The following BCAS3 variants were observed in gnomAD, a reference collection of about 807,000 sequenced individuals.
The protein encoded by BCAS3 is BCAS3 microtubule associated cell migration factor.
A neutral mutation model predicts 116.1 loss-of-function variants in BCAS3; 53 were observed. The ratio of observed to expected loss-of-function variants is 0.46; its 90% CI spans 0.37 to 0.57. The LOEUF (loss-of-function observed/expected upper bound fraction) is 0.57, where lower values mean the gene tolerates loss of function less well. Among genes scored for constraint, BCAS3 ranks in the 20% least tolerant of loss-of-function variants. BCAS3 has a pLI of 0.00. For synonymous variants in BCAS3, 391 were observed against 408.2 expected, an observed-to-expected ratio of 0.96 and a Z score of 0.51; for missense variants, 917 against 1,165.4, an observed-to-expected ratio of 0.79 and a Z score of 3.10.
chr17:60,929,124 G>A (rs904443950), intron 13 of BCAS3, among the ~76,000 whole-genome samples: 2 of 152,110 alleles, frequency 1.3e-5, no homozygotes, highest in Admixed American at 6.6e-5. Flanking sequence ...TAAGAAATGC[G>A]ACATTATAAA....
chr17:61,080,172 G>A (rs1418170896), intron 21 of BCAS3, among the ~76,000 whole-genome samples: 1 of 151,720 alleles, frequency 6.6e-6, no homozygotes, highest in Non-Finnish European at 1.5e-5. Context: ...CCCAAAGTGT[G>A]GGGACTACAG....
In BCAS3 at chr17:60,826,441, C is replaced by G. The variant is rs79532050; in HGVS notation, c.476+18365C>G. 7.3e-3 allele frequency among the ~76,000 whole-genome samples: 1,116 copies of G among 152,160 alleles called. 41 individuals carry two copies. Among genetic ancestry groups the G allele is most frequent in the Admixed American group, 0.051 (772 of 15,280 alleles). On this transcript the variant is annotated intron_variant, in intron 7 of 23. Coordinates refer to ENST00000407086, the MANE Select transcript of BCAS3 (RefSeq NM_017679.5). ...TCTCTCGTGTCGGCCTCTCAAAGTG[C>G]TGGGATTACAGGCGTGAGCCACCAC...
At chr17:60,943,603 A>G (rs1423122610) in intron 13 of BCAS3, among the ~76,000 whole-genome samples, 1 of 152,118 alleles carries the variant, frequency 6.6e-6, no homozygotes, top group Non-Finnish European at 1.5e-5. Flanking sequence ...CATGTCCACA[A>G]TTATCCTTGG....
At chr17:61,384,026 G>A (rs1026304885) in intron 23 of BCAS3, 6 of 152,318 alleles carry the variant, frequency 3.9e-5, no homozygotes, top group African/African-American at 1.4e-4. Flanking sequence ...TGCCAAGGAC[G>A]AGTCTCCAAG....
In BCAS3 at chr17:61,087,349, C is replaced by G; in HGVS notation, c.2425+2785C>G. On this transcript the variant is annotated intron_variant, in intron 22 of 23. Coordinates refer to ENST00000407086, the MANE Select transcript of BCAS3 (RefSeq NM_017679.5). The surrounding 1 kb of genome is among the most constrained non-coding windows in gnomAD (Gnocchi z 4.6). ...ATTATTCCTATGGCACATGTTACAC[C>G]TAACCCTCTATTTTAGTGACAGCTC... The G allele has an allele frequency of 2.8e-6, 1 of 356,174 alleles. No homozygotes were observed. Among genetic ancestry groups the G allele is most frequent in the Non-Finnish European group, 3.9e-6 (1 of 254,760 alleles). 22.1% of individuals were successfully genotyped at this position (356,174 alleles called of 1,614,324 possible). A position where few individuals can be genotyped will look rare whatever the true frequency, so the allele number is the denominator to read the frequency against.
At chr17:61,202,840 T>C (rs996290433) in intron 22 of BCAS3, among the ~76,000 whole-genome samples, 3 of 152,192 alleles carry the variant, frequency 2.0e-5, no homozygotes, top group Admixed American at 6.5e-5. Flanking sequence ...ATCGTAGAAA[T>C]AAATAGCCTA....
Position 61,349,305 on chromosome 17 carries a change from A to T in BCAS3, c.2426-19022A>T, listed in dbSNP as rs931190498. Among the ~76,000 whole-genome samples the T allele has an allele frequency of 2.6e-5, 4 of 152,114 alleles. No individual in the cohort carries two copies. Among genetic ancestry groups the T allele is most frequent in the African/African-American group, 9.7e-5 (4 of 41,404 alleles). ...CCCCACTCTCCCACCCTACACCCTA[A>T]TACCCTCCAACCTAAAGTTCTTGAG... On this transcript the variant is annotated intron_variant, in intron 22 of 23. Coordinates refer to ENST00000407086, the MANE Select transcript of BCAS3 (RefSeq NM_017679.5). This position sits in a 1 kb window ranked among gnomAD's most constrained non-coding sequence, Gnocchi z 4.7.
At chr17:61,318,377 G>A (rs2054918987) in intron 22 of BCAS3, among the ~76,000 whole-genome samples, 1 of 152,202 alleles carries the variant, frequency 6.6e-6, no homozygotes, top group Non-Finnish European at 1.5e-5. Flanking sequence ...ACTCCTTGGT[G>A]GCGATGGAGC....
At chr17:61,167,322 C>T (rs570566302) in intron 22 of BCAS3, among the ~76,000 whole-genome samples, 1 of 152,168 alleles carries the variant, frequency 6.6e-6, no homozygotes, top group Non-Finnish European at 1.5e-5. Flanking sequence ...CTTATCTAGT[C>T]CCACTTCCTT....
At chr17:61,064,298 G>A (rs570940423) in intron 19 of BCAS3, among the ~76,000 whole-genome samples, 19 of 151,834 alleles carry the variant, frequency 1.3e-4, no homozygotes, top group Middle Eastern at 3.4e-3. Flanking sequence ...TCAGCATAGC[G>A]ATACCTATCT....
At chr17:61,329,975 G>A (rs774179252) in intron 22 of BCAS3, among the ~76,000 whole-genome samples, 7 of 152,164 alleles carry the variant, frequency 4.6e-5, no homozygotes, top group Non-Finnish European at 7.4e-5. Context: ...ATATAAAAAT[G>A]AAGAAGACAC....
intron 4 of BCAS3, among the ~76,000 whole-genome samples, chr17:60,696,102 G>T (rs146880009): frequency 6.6e-6 from 1 of 152,246 alleles, no homozygotes; most frequent in Non-Finnish European, 1.5e-5. Flanking sequence ...AATCAAAGAG[G>T]AAAAAGTATT....
intron 14 of BCAS3, among the ~76,000 whole-genome samples, chr17:60,976,020 C>CTTTTTTTTTTTTCTTTTTT (rs2062329877): frequency 1.0e-5 from 1 of 98,282 alleles, no homozygotes; most frequent in Non-Finnish European, 1.8e-5. Flanking sequence ...TAGATTTTTG[C>CTTTTTTTTTTTTCTTTTTT]TTTTTTTTTT....
At chr17:60,730,997 A>C (rs1374153925) in intron 5 of BCAS3, among the ~76,000 whole-genome samples, 1 of 152,208 alleles carries the variant, frequency 6.6e-6, no homozygotes, top group African/African-American at 2.4e-5. Context: ...CGAATTCCTT[A>C]GTATAAGATG....
chr17:61,240,802 G>C (rs1249139688), intron 22 of BCAS3, among the ~76,000 whole-genome samples: 1 of 152,036 alleles, frequency 6.6e-6, no homozygotes, highest in African/African-American at 2.4e-5. Context: ...ATAACTAAAG[G>C]GTCCATTTCT....
intron 22 of BCAS3, among the ~76,000 whole-genome samples, chr17:61,252,165 A>G (rs1276168291): frequency 1.3e-5 from 2 of 152,212 alleles, no homozygotes; most frequent in African/African-American, 4.8e-5. Context: ...CAACACATTA[A>G]TAACGTTTTG....
In BCAS3 at chr17:61,362,184, C is replaced by T. The variant is rs917584159; in HGVS notation, c.2426-6143C>T. ...TCCCCGCAGCAGCACTCTTAAGCTC[C>T]GTTTGGTGAGCAGTTTGGTAAGCTT... On this transcript the variant is annotated intron_variant, in intron 22 of 23. Transcript: ENST00000407086. This position sits in a 1 kb window ranked among gnomAD's most constrained non-coding sequence, Gnocchi z 4.4. Among the ~76,000 whole-genome samples the T allele has an allele frequency of 1.3e-5, 2 of 152,206 alleles. No homozygotes were observed. The highest frequency in any genetic ancestry group is 6.5e-5 in the Admixed American group (1 of 15,284).
rs1413639119 is a variant in BCAS3 at position 61,034,849 on chromosome 17, A to AT, written c.1762+64dup. Reference sequence around the variant, plus strand: ...TTGTAATTTTTGCTTCTTAAGGAAAATTTTTAGCAGTTTCCCTAGAATAAT... The same window carrying AT: ...TTGTAATTTTTGCTTCTTAAGGAAAATTTTTTAGCAGTTTCCCTAGAATAAT... On this transcript the variant is annotated intron_variant, in intron 17 of 23. Transcript: ENST00000407086. This position sits in a 1 kb window ranked among gnomAD's most constrained non-coding sequence, Gnocchi z 5.0. The AT allele has an allele frequency of 8.6e-6, 13 of 1,512,610 alleles. No homozygotes were observed. In the African/African-American group the frequency reaches 1.8e-4, roughly 21 times the overall value. 93.7% of individuals were successfully genotyped at this position (1,512,610 alleles called of 1,614,324 possible).
intron 22 of BCAS3, among the ~76,000 whole-genome samples, chr17:61,329,343 A>ATTTTTTTTTTTTT (rs35909318): frequency 7.6e-6 from 1 of 131,280 alleles, no homozygotes; most frequent in African/African-American, 2.9e-5. Flanking sequence ...TATTATTATT[A>ATTTTTTTTTTTTT]TTTTTTTTTT....
Sources: allele counts gnomAD v4.1 joint callset (sites outside exome capture counted in the v4.1 genomes callset), GRCh38; gene constraint gnomAD v4.1.1; non-coding constraint Gnocchi (gnomAD v3.1); transcripts MANE v1.5; gene names NCBI Gene and HGNC (gene_info 2026-07-23, HGNC 2026-07-21).